The following JPH1 variants were observed in gnomAD, a reference collection of about 807,000 sequenced individuals.
The protein encoded by JPH1 is junctophilin 1, also known as junctophilin-1.
In JPH1, 12 loss-of-function variants were observed where a neutral mutation model predicts 53.6. That is an observed-to-expected ratio of 0.22 (90% CI 0.14 to 0.36). The LOEUF (loss-of-function observed/expected upper bound fraction) is 0.36. Ranked by LOEUF, JPH1 falls within the 10% of genes least tolerant of loss-of-function variation. The probability of loss-of-function intolerance (pLI) is 1.00; values close to 1 mark genes in which losing one functional copy is unlikely to be tolerated. For synonymous variants in JPH1, 375 were observed against 363.8 expected, an observed-to-expected ratio of 1.03 and a Z score of -0.35; for missense variants, 808 against 905.5, an observed-to-expected ratio of 0.89 and a Z score of 1.38.
rs887759025 is a variant in JPH1, at chr8:74,244,782, T to C, written c.1652A>G (p.His551Arg). ...GGCGTTCAGCTTCACGTAGTAGCCG[T>C]GATACTGAGAATGCAGCTCCCCGTT... ...PSNGELHSQY[H>R]GYYVKLNAPQ... is the part of the protein sequence containing the mutation. The change falls in exon 4 of 6, where the codon CAC becomes CGC. Residue 551 changes from histidine to arginine, a missense_variant. Coordinates refer to ENST00000342232, the MANE Select transcript of JPH1 (RefSeq NM_020647.4). 2.5e-6 allele frequency: 4 copies of C among 1,614,204 alleles called. No individual in the cohort carries two copies. The highest frequency in any genetic ancestry group is 1.3e-5 in the African/African-American group (1 of 75,050).
At chr8:74,262,536 T>C (rs989087774) in intron 2 of JPH1, among the ~76,000 whole-genome samples, 1 of 152,226 alleles carries the variant, frequency 6.6e-6, no homozygotes, top group Non-Finnish European at 1.5e-5. Context: ...GCATTTCATT[T>C]ATCAAAAGAC....
chr8:74,246,334 C>A (rs779630702), intron 3 of JPH1, among the ~76,000 whole-genome samples: 12 of 151,936 alleles, frequency 7.9e-5, no homozygotes, highest in Non-Finnish European at 8.8e-5. Flanking sequence ...TGCCTTCTAC[C>A]CCCAACCCTT....
chr8:74,291,635 C>G (rs1057275006), intron 2 of JPH1, among the ~76,000 whole-genome samples: 7 of 152,104 alleles, frequency 4.6e-5, no homozygotes, highest in Non-Finnish European at 1.0e-4. Flanking sequence ...GGGTATATAC[C>G]CAAAGGATTA....
At chr8:74,311,544 T>G (rs1807994230) in intron 2 of JPH1, among the ~76,000 whole-genome samples, 1 of 152,104 alleles carries the variant, frequency 6.6e-6, no homozygotes. Flanking sequence ...TATTATACTT[T>G]AAGTTTTAGG....
rs776754360 is a variant in JPH1, at chr8:74,298,714, G to A, written c.1139+16147C>T. Among the ~76,000 whole-genome samples, 27 of 152,186 alleles carry A rather than the reference G, an allele frequency of 1.8e-4. 1 individual carries two copies. The highest frequency in any genetic ancestry group is 3.7e-4 in the Non-Finnish European group (25 of 68,036). On this transcript the variant is annotated intron_variant, in intron 2 of 5. Transcript: ENST00000342232. ...GAAGCTACAGGGTACAAATCTGACA[G>A]TAGGGCTGTAGCTAATATCTCCACC...
At chr8:74,247,053 C>CA (rs1397969810) in intron 3 of JPH1, among the ~76,000 whole-genome samples, 1 of 152,082 alleles carries the variant, frequency 6.6e-6, no homozygotes, top group African/African-American at 2.4e-5. Flanking sequence ...AGCATGAGCA[C>CA]AAAAAAGTTA....
intron 3 of JPH1, among the ~76,000 whole-genome samples, chr8:74,251,295 T>C (rs186633790): frequency 5.3e-5 from 8 of 152,200 alleles, no homozygotes; most frequent in African/African-American, 1.7e-4. Context: ...TCTTTAGATG[T>C]TTTTATAACC....
At position 74,259,485 on chromosome 8, in the gene JPH1, C is replaced by T. The variant is rs1457399886; in HGVS notation, c.1158G>A (p.Ala386=). The T allele has an allele frequency of 3.7e-6, 6 of 1,610,508 alleles. No homozygotes were observed. The highest frequency in any genetic ancestry group is 3.3e-5 in the South Asian group (3 of 90,684). ...IANSRTAHAR[A]KADAADQAAL... is the part of the protein sequence containing the mutation. ...CGGCCTGGTCGGCGGCATCGGCCTT[C>T]GCTCTGGCATGTGCAGTCCTACACG... The change falls in exon 3 of 6, where the codon GCG becomes GCA. Residue 386 remains alanine (A), a synonymous_variant. Transcript: ENST00000342232.
intron 2 of JPH1, among the ~76,000 whole-genome samples, chr8:74,296,087 A>C (rs80248152): frequency 0.029 from 4,244 of 144,128 alleles, 67 homozygotes; most frequent in Middle Eastern, 0.064. Context: ...AACCCGATTA[A>C]ATCTTAGCCT....
chr8:74,238,247 T>A (rs899045703), intron 4 of JPH1, among the ~76,000 whole-genome samples: 5 of 152,208 alleles, frequency 3.3e-5, no homozygotes, highest in African/African-American at 1.2e-4. Context: ...AAGACTACAC[T>A]GAAACAATGT....
chr8:74,304,898 T>C (rs1807789013), intron 2 of JPH1, among the ~76,000 whole-genome samples: 2 of 152,220 alleles, frequency 1.3e-5, no homozygotes, highest in African/African-American at 4.8e-5. Flanking sequence ...TTCAAAGAGT[T>C]GTACTATTTG....
chr8:74,242,291 G>C (rs1459686610), intron 4 of JPH1, among the ~76,000 whole-genome samples: 2 of 152,096 alleles, frequency 1.3e-5, no homozygotes, highest in Non-Finnish European at 2.9e-5. Flanking sequence ...TAATAGCCAA[G>C]GTTTTTTGAG....
chr8:74,292,741 C>T (rs1807372928), intron 2 of JPH1, among the ~76,000 whole-genome samples: 1 of 152,128 alleles, frequency 6.6e-6, no homozygotes, highest in South Asian at 2.1e-4. Context: ...GCTATTTCTT[C>T]TGAACAGGTT....
At position 74,321,380 on chromosome 8, in the gene JPH1, G is replaced by A; in HGVS notation, c.-93C>T. 2.3e-6 allele frequency: 3 copies of A among 1,289,514 alleles called. No homozygotes were observed. Among genetic ancestry groups the A allele is most frequent in the Non-Finnish European group, 3.0e-6 (3 of 989,056 alleles). The allele number at this position is 1,289,514 out of a possible 1,614,324, so 79.9% of individuals were successfully genotyped here. A position where few individuals can be genotyped will look rare whatever the true frequency, so the allele number is the denominator to read the frequency against. On this transcript the variant is annotated 5_prime_UTR_variant, in exon 1 of 6. Coordinates refer to ENST00000342232, the MANE Select transcript of JPH1 (RefSeq NM_020647.4). This position sits in a 1 kb window ranked among gnomAD's most constrained non-coding sequence, Gnocchi z 4.3. ...GTAGCTCGGGGGTGGGGGCCCGGCG[G>A]GCGAGCTCACGACAGCGCCCTGGGC... is the stretch of plus-strand genomic sequence containing the variant.
chr8:74,248,249 C>T (rs1341906369), intron 3 of JPH1, among the ~76,000 whole-genome samples: 1 of 152,080 alleles, frequency 6.6e-6, no homozygotes, highest in Non-Finnish European at 1.5e-5. Flanking sequence ...ATGATGAGCT[C>T]AAAGAATTTA....
At chr8:74,302,968 A>G (rs1238876933) in intron 2 of JPH1, among the ~76,000 whole-genome samples, 1 of 152,080 alleles carries the variant, frequency 6.6e-6, no homozygotes, top group Non-Finnish European at 1.5e-5. Context: ...AGAAAAAAAA[A>G]AAAAAAAACA....
chr8:74,244,486 C>G, intron 4 of JPH1, 43 bp downstream of exon 4: 8 of 1,547,134 alleles, frequency 5.2e-6, no homozygotes, highest in Non-Finnish European at 7.0e-6. Context: ...CTGAAAGAAA[C>G]AAAGGGAAGA....
In JPH1 at chr8:74,320,896, T is replaced by C. The variant is rs763571864; in HGVS notation, c.379+13A>G. ...GCTCGCGGAGCAGCCGAGCCGCCCG[T>C]TACGCCGCTCACCTCCGTCCCCGTA... On this transcript the variant is annotated intron_variant, in intron 1 of 5. Transcript: ENST00000342232. This position sits in a 1 kb window ranked among gnomAD's most constrained non-coding sequence, Gnocchi z 4.4. 2.7e-6 allele frequency: 4 copies of C among 1,503,530 alleles called. No individual in the cohort carries two copies. Among genetic ancestry groups the C allele is most frequent in the Middle Eastern group, 1.8e-4 (1 of 5,536 alleles). 93.1% of individuals were successfully genotyped at this position (1,503,530 alleles called of 1,614,324 possible).
intron 2 of JPH1, among the ~76,000 whole-genome samples, chr8:74,311,677 C>A (rs1159601231): frequency 8.2e-6 from 1 of 121,700 alleles, no homozygotes; most frequent in African/African-American, 3.0e-5. Context: ...CCCCTCCCCC[C>A]ACCCCACAAC....
Sources: allele counts gnomAD v4.1 joint callset (sites outside exome capture counted in the v4.1 genomes callset), GRCh38; gene constraint gnomAD v4.1.1; non-coding constraint Gnocchi (gnomAD v3.1); transcripts MANE v1.5; gene names NCBI Gene and HGNC (gene_info 2026-07-23, HGNC 2026-07-21).